PCDH15: variants seen among roughly 807,000 people sequenced by gnomAD.
The protein encoded by PCDH15 is protocadherin related 15.
In PCDH15, 129 loss-of-function variants were observed where a neutral mutation model predicts 178.5. That is an observed-to-expected ratio of 0.72 (90% CI 0.63 to 0.84). PCDH15 has a LOEUF of 0.84. Among genes scored for constraint, PCDH15 ranks in the 40% least tolerant of loss-of-function variants. The pLI is 0.00. For missense variants in PCDH15, 2,230 were observed against 2,099.9 expected, an observed-to-expected ratio of 1.06 and a Z score of -1.21; for synonymous variants, 800 against 732.0, an observed-to-expected ratio of 1.09 and a Z score of -1.50.
chr10:54,993,988 C>A (rs1456654722), intron 2 of PCDH15, among the ~76,000 whole-genome samples: 1 of 152,066 alleles, frequency 6.6e-6, no homozygotes, highest in African/African-American at 2.4e-5. Context: ...TCTAACCAGA[C>A]TCCTGTACAT....
intron 1 of PCDH15, among the ~76,000 whole-genome samples, chr10:54,686,041 ATTTTTTTTT>A (rs66539612): frequency 7.9e-6 from 1 of 126,880 alleles, no homozygotes; most frequent in Non-Finnish European, 1.6e-5. Flanking sequence ...AAGACAGCCA[ATTTTTTTTT>A]TTTTTTTTTG....
intron 10 of PCDH15, among the ~76,000 whole-genome samples, chr10:54,205,255 G>A (rs1215120222): frequency 1.3e-5 from 2 of 151,988 alleles, no homozygotes; most frequent in Non-Finnish European, 1.5e-5. Context: ...AAAAGCCTAG[G>A]GTGAGCAGCT....
intron 2 of PCDH15, among the ~76,000 whole-genome samples, chr10:55,152,652 T>C (rs527934566): frequency 6.6e-6 from 1 of 152,284 alleles, no homozygotes; most frequent in East Asian, 1.9e-4. Context: ...TTGGACATGA[T>C]TCTAATGAGA....
At chr10:54,173,547 A>T (rs1173855012) in intron 13 of PCDH15, among the ~76,000 whole-genome samples, 1 of 139,986 alleles carries the variant, frequency 7.1e-6, no homozygotes, top group East Asian at 1.9e-4. Context: ...TTTAAAAATG[A>T]ATTAACCTGA....
intron 1 of PCDH15, among the ~76,000 whole-genome samples, chr10:55,303,911 T>G (rs1843353428): frequency 6.6e-6 from 1 of 152,170 alleles, no homozygotes. Flanking sequence ...CATATATTAT[T>G]TCCTTCATTC....
intron 18 of PCDH15, among the ~76,000 whole-genome samples, chr10:54,045,841 A>G (rs928267303): frequency 2.0e-5 from 3 of 152,114 alleles, no homozygotes; most frequent in Non-Finnish European, 2.9e-5. Flanking sequence ...GATAAATTTG[A>G]TAATCTTAAA....
intron 2 of PCDH15, among the ~76,000 whole-genome samples, chr10:55,135,750 T>A (rs1208875753): frequency 6.6e-6 from 1 of 151,506 alleles, no homozygotes; most frequent in Non-Finnish European, 1.5e-5. Flanking sequence ...GCCTGGCTAA[T>A]TTTTTGTATT....
intron 3 of PCDH15, among the ~76,000 whole-genome samples, chr10:54,412,604 C>T (rs894967782): frequency 6.6e-6 from 1 of 152,184 alleles, no homozygotes; most frequent in African/African-American, 2.4e-5. Context: ...TCCTCAAACA[C>T]AGCACTCTGA....
rs879284936 is a variant in PCDH15 at position 54,125,256 on chromosome 10, C to T, written c.1917+7619G>A. 1.4e-4 allele frequency among the ~76,000 whole-genome samples: 21 copies of T among 151,972 alleles called. No homozygotes were observed. In the South Asian group the frequency reaches 1.9e-3, roughly 14 times the overall value. ...GCTATTTGTCTCTGAGCTGTTATAC[C>T]TGTTATTGCAGTTTCCAACAAGAAA... On this transcript the variant is annotated intron_variant, in intron 15 of 37. Coordinates refer to ENST00000644397, the MANE Select transcript of PCDH15 (RefSeq NM_001384140.1).
At chr10:55,439,244 G>T (rs750819901) in intron 2 of PCDH15, among the ~76,000 whole-genome samples, 9 of 152,148 alleles carry the variant, frequency 5.9e-5, no homozygotes, top group Non-Finnish European at 1.3e-4. Flanking sequence ...AATGAGACAT[G>T]AGTCAGAATT....
intron 2 of PCDH15, among the ~76,000 whole-genome samples, chr10:55,591,812 G>A (rs1842847564): frequency 6.6e-6 from 1 of 152,000 alleles, no homozygotes; most frequent in Non-Finnish European, 1.5e-5. Context: ...AAAAAGCAAT[G>A]CATGTATACT....
chr10:54,440,066 A>G (rs1004667904), intron 3 of PCDH15, among the ~76,000 whole-genome samples: 1 of 152,024 alleles, frequency 6.6e-6, no homozygotes, highest in African/African-American at 2.4e-5. Context: ...GGGGGAAAAA[A>G]ACTTCACATG....
chr10:54,701,853 G>A (rs2132243378), intron 1 of PCDH15, among the ~76,000 whole-genome samples: 1 of 152,136 alleles, frequency 6.6e-6, no homozygotes, highest in Non-Finnish European at 1.5e-5. Flanking sequence ...CACACCAGTA[G>A]TGGGAGACTT....
chr10:55,114,017 C>T (rs935477617), intron 2 of PCDH15, among the ~76,000 whole-genome samples: 2 of 152,142 alleles, frequency 1.3e-5, no homozygotes, highest in African/African-American at 4.8e-5. Context: ...GGCACGATCT[C>T]GGCTCACTGC....
At chr10:54,527,758 A>T (rs901295716) in intron 3 of PCDH15, 54 bp downstream of exon 3, 1 of 1,452,114 alleles carries the variant, frequency 6.9e-7, no homozygotes, top group Non-Finnish European at 9.6e-7. Flanking sequence ...GAGAATTAAA[A>T]TCTGAAGAAA....
At chr10:55,113,196 G>A (rs1299699903) in intron 2 of PCDH15, among the ~76,000 whole-genome samples, 1 of 152,096 alleles carries the variant, frequency 6.6e-6, no homozygotes, top group African/African-American at 2.4e-5. Context: ...GACTAAGGTG[G>A]TATGGAACAC....
chr10:55,244,880 G>A (rs754572621), intron 1 of PCDH15, among the ~76,000 whole-genome samples: 2 of 151,906 alleles, frequency 1.3e-5, no homozygotes, highest in Non-Finnish European at 1.5e-5. Context: ...GATATGGTAA[G>A]TCTAATTTTT....
rs575867680 is a variant in PCDH15 at position 55,105,411 on chromosome 10, C to T, written c.-80+61165G>A. ...TTCAAAGATCAACTATACTGTATTT[C>T]TAGGGTTTTAAAAATCACAAACCAT... On this transcript the variant is annotated intron_variant, in intron 2 of 5. Transcript: ENST00000458638. 1.2e-4 allele frequency among the ~76,000 whole-genome samples: 19 copies of T among 152,154 alleles called. No individual in the cohort carries two copies. The East Asian group carries it at 3.5e-3, about 28-fold the overall frequency.
Position 53,910,370 on chromosome 10 carries a change from A to G in PCDH15, c.3374-7000T>C, listed in dbSNP as rs538932526. 3.3e-5 allele frequency among the ~76,000 whole-genome samples: 5 copies of G among 152,302 alleles called. No individual in the cohort carries two copies. The East Asian group carries it at 9.7e-4, about 29-fold the overall frequency. On this transcript the variant is annotated intron_variant, in intron 25 of 37. Transcript: ENST00000644397. ...CTCCGCTGGTAACACCCAGGCAAAC[A>G]GTTTGGAGTGGAGCTCCAGCAAACT...
Sources: gnomAD v4.1 joint callset for allele counts (sites outside exome capture counted in the v4.1 genomes callset) on GRCh38, gnomAD v4.1.1 for gene constraint, MANE v1.5 for transcripts, NCBI Gene and HGNC (gene_info 2026-07-23, HGNC 2026-07-21) for gene names.